Variants in SLC16A10 observed in about 807,000 individuals in gnomAD.
SLC16A10 encodes solute carrier family 16 member 10.
Under a neutral mutation model 40.0 loss-of-function variants are expected in SLC16A10, and 27 were observed. That is an observed-to-expected ratio of 0.67 (90% CI 0.50 to 0.93). The LOEUF is 0.93. SLC16A10 is among the 40% of genes least tolerant of loss of function. SLC16A10 has a pLI of 0.00. For missense variants in SLC16A10, 529 were observed against 658.2 expected, an observed-to-expected ratio of 0.80 and a Z score of 2.15; for synonymous variants, 213 against 249.8, an observed-to-expected ratio of 0.85 and a Z score of 1.39.
intron 1 of SLC16A10, among the ~76,000 whole-genome samples, chr6:111,141,590 A>T (rs1043181101): frequency 1.3e-5 from 2 of 150,906 alleles, no homozygotes; most frequent in Admixed American, 1.3e-4. Context: ...TGAACCAGGG[A>T]GGCAGAGGTT....
intron 1 of SLC16A10, among the ~76,000 whole-genome samples, chr6:111,135,033 A>G (rs894367708): frequency 1.3e-5 from 2 of 152,064 alleles, no homozygotes; most frequent in African/African-American, 4.8e-5. Context: ...CCCAGCCACT[A>G]AGTTGTGACT....
intron 3 of SLC16A10, among the ~76,000 whole-genome samples, chr6:111,184,562 A>G (rs1005833515): frequency 7.9e-5 from 12 of 151,832 alleles, no homozygotes; most frequent in Non-Finnish European, 1.8e-4. Context: ...GCTCACTGCA[A>G]CCTTCACCTC....
intron 1 of SLC16A10, among the ~76,000 whole-genome samples, chr6:111,117,093 G>A (rs999219172): frequency 6.6e-6 from 1 of 152,110 alleles, no homozygotes; most frequent in Non-Finnish European, 1.5e-5. Flanking sequence ...GGTCATGCCT[G>A]TAATCCCAGC....
intron 1 of SLC16A10, among the ~76,000 whole-genome samples, chr6:111,100,654 A>C (rs2114439186): frequency 6.6e-6 from 1 of 152,162 alleles, no homozygotes; most frequent in South Asian, 2.1e-4. Flanking sequence ...AAGTGCTGTG[A>C]TTACAGGTGT....
rs1306235614 is a variant in SLC16A10 at position 111,087,915 on chromosome 6, A to G, written c.163A>G (p.Thr55Ala). Residue 55 changes from threonine to alanine, a missense_variant, in exon 1 of 6, where the codon ACC becomes GCC. Thr to Ala is a moderately conservative substitution (Grantham distance 58). Transcript: ENST00000368851. ...KVEVELAGPA[T>A]AEPHEPPEPP... The stretch of plus-strand genomic sequence containing the variant: ...GGAGGTGGAGCTGGCGGGGCCGGCG[A>G]CCGCGGAGCCCCATGAGCCCCCCGA... 3.8e-6 allele frequency: 6 copies of G among 1,586,304 alleles called. No homozygotes were observed. The Admixed American group carries it at 1.1e-4, about 28-fold the overall frequency.
chr6:111,226,275 C>T lies in SLC16A10; in HGVS notation c.*4040C>T, dbSNP rs371489678. The T allele has an allele frequency of 2.0e-5, 3 of 152,056 alleles. No homozygotes were observed. Among genetic ancestry groups the T allele is most frequent in the African/African-American group, 7.2e-5 (3 of 41,492 alleles). The allele number at this position is 152,056 out of a possible 1,614,324, so 9.4% of individuals were successfully genotyped here. A position where few individuals can be genotyped will look rare whatever the true frequency, so the allele number is the denominator to read the frequency against. On this transcript the variant is annotated 3_prime_UTR_variant, in exon 6 of 6. Coordinates refer to ENST00000368851, the MANE Select transcript of SLC16A10 (RefSeq NM_018593.5). ...ACTAAGGTTTCATTAAATCTTAGTTCCGAGAGCCCAGCATGAAGGGTGACT... is the reference window on the plus strand; with the variant it reads ...ACTAAGGTTTCATTAAATCTTAGTTTCGAGAGCCCAGCATGAAGGGTGACT...
intron 1 of SLC16A10, among the ~76,000 whole-genome samples, chr6:111,105,996 A>T (rs1269403456): frequency 6.6e-6 from 1 of 152,222 alleles, no homozygotes; most frequent in East Asian, 1.9e-4. Flanking sequence ...GGCTTCATTT[A>T]CAGAATCTGT....
In SLC16A10 at chr6:111,087,677, C is replaced by T; in HGVS notation, c.-76C>T. 3 of 884,932 alleles carry T rather than the reference C, an allele frequency of 3.4e-6. No individual in the cohort carries two copies. The highest frequency in any genetic ancestry group is 4.4e-6 in the Non-Finnish European group (3 of 683,288). The allele number at this position is 884,932 out of a possible 1,614,324, so 54.8% of individuals were successfully genotyped here. On this transcript the variant is annotated 5_prime_UTR_variant, in exon 1 of 6. Transcript: ENST00000368851. ...GGCCTCGTTAGCCCGCCAGGAGCCC[C>T]GCAGCTCCTCCGGGAGCCCGCTGGT... is the stretch of plus-strand genomic sequence containing the variant.
chr6:111,134,198 G>T (rs1313384044), intron 1 of SLC16A10, among the ~76,000 whole-genome samples: 2 of 152,194 alleles, frequency 1.3e-5, no homozygotes, highest in Non-Finnish European at 1.5e-5. Context: ...AGAAGATGGA[G>T]ATTGGTGCCG....
chr6:111,143,256 T>G (rs1482888871), intron 1 of SLC16A10, among the ~76,000 whole-genome samples: 3 of 152,068 alleles, frequency 2.0e-5, no homozygotes, highest in Non-Finnish European at 4.4e-5. Flanking sequence ...ATTTTTTTTT[T>G]TGAGAGATTG....
chr6:111,158,659 A>G (rs1416365551), intron 1 of SLC16A10, among the ~76,000 whole-genome samples: 2 of 152,156 alleles, frequency 1.3e-5, no homozygotes, highest in Non-Finnish European at 2.9e-5. Flanking sequence ...CCTTTCGAAG[A>G]TCTGAAAATT....
chr6:111,154,962 G>A (rs1281590110), intron 1 of SLC16A10, among the ~76,000 whole-genome samples: 1 of 146,788 alleles, frequency 6.8e-6, no homozygotes, highest in East Asian at 2.0e-4. Context: ...GGTGGAGGTT[G>A]CAGTGAACTG....
chr6:111,088,598 A>G (rs1009801353), intron 1 of SLC16A10, among the ~76,000 whole-genome samples: 6 of 152,194 alleles, frequency 3.9e-5, no homozygotes, highest in African/African-American at 1.4e-4. Context: ...TACGAAGGTC[A>G]CTGGAGTTCC....
intron 1 of SLC16A10, among the ~76,000 whole-genome samples, chr6:111,135,759 G>A (rs1771867023): frequency 6.6e-6 from 1 of 152,206 alleles, no homozygotes; most frequent in African/African-American, 2.4e-5. Context: ...TTGTCCTTTG[G>A]TATGCGGATG....
At position 111,230,439 on chromosome 6, in the gene SLC16A10, A is replaced by G. The variant is rs943133062; in HGVS notation, c.*8204A>G. 6.6e-6 allele frequency: 1 copy of G among 152,248 alleles called. No homozygotes were observed. The highest frequency in any genetic ancestry group is 2.4e-5 in the African/African-American group (1 of 41,468). 9.4% of individuals were successfully genotyped at this position (152,248 alleles called of 1,614,324 possible). A position where few individuals can be genotyped will look rare whatever the true frequency, so the allele number is the denominator to read the frequency against. On this transcript the variant is annotated 3_prime_UTR_variant, in exon 6 of 6. Coordinates refer to ENST00000368851, the MANE Select transcript of SLC16A10 (RefSeq NM_018593.5). ...TCCAGTACACTGGATTTGCTCTGGTAACTAATGATAACACTTTTCTACGTT... is the reference window on the plus strand; with the variant it reads ...TCCAGTACACTGGATTTGCTCTGGTGACTAATGATAACACTTTTCTACGTT...
At chr6:111,192,770 A>G (rs1773017205) in intron 3 of SLC16A10, among the ~76,000 whole-genome samples, 1 of 152,192 alleles carries the variant, frequency 6.6e-6, no homozygotes, top group African/African-American at 2.4e-5. Context: ...AAGAGTGTGC[A>G]TGCAGAGGAA....
intron 1 of SLC16A10, among the ~76,000 whole-genome samples, chr6:111,120,888 A>G (rs1381213615): frequency 6.6e-6 from 1 of 152,224 alleles, no homozygotes; most frequent in Non-Finnish European, 1.5e-5. Flanking sequence ...ATTCTTTAGT[A>G]CTAACGGTAT....
At chr6:111,099,266 A>G (rs1393279008) in intron 1 of SLC16A10, among the ~76,000 whole-genome samples, 1 of 152,202 alleles carries the variant, frequency 6.6e-6, no homozygotes, top group Non-Finnish European at 1.5e-5. Context: ...ATTTTTATGC[A>G]TAATTATATA....
intron 1 of SLC16A10, among the ~76,000 whole-genome samples, chr6:111,101,176 G>T (rs1771181966): frequency 6.6e-6 from 1 of 151,668 alleles, no homozygotes; most frequent in South Asian, 2.1e-4. Flanking sequence ...GACTACAGGG[G>T]CATGCCGCTA....
Sources: gnomAD v4.1 joint callset for allele counts (sites outside exome capture counted in the v4.1 genomes callset) on GRCh38, gnomAD v4.1.1 for gene constraint, MANE v1.5 for transcripts, NCBI Gene and HGNC (gene_info 2026-07-23, HGNC 2026-07-21) for gene names.